Variants in NCKAP5 observed in about 807,000 individuals in gnomAD.
NCKAP5 encodes the protein nck-associated protein 5.
Under a neutral mutation model 167.0 loss-of-function variants are expected in NCKAP5, and 92 were observed. That is an observed-to-expected ratio of 0.55 (90% CI 0.47 to 0.66). The LOEUF (loss-of-function observed/expected upper bound fraction) is 0.66. Ranked by LOEUF, NCKAP5 falls within the 30% of genes least tolerant of loss-of-function variation. The probability of loss-of-function intolerance (pLI) is 0.00; values close to 1 mark genes in which losing one functional copy is unlikely to be tolerated. For synonymous variants in NCKAP5, 891 were observed against 877.4 expected, an observed-to-expected ratio of 1.02 and a Z score of -0.27; for missense variants, 2,378 against 2,315.0, an observed-to-expected ratio of 1.03 and a Z score of -0.56.
intron 6 of NCKAP5, among the ~76,000 whole-genome samples, chr2:133,066,949 T>C (rs2080219938): frequency 6.6e-6 from 1 of 152,246 alleles, no homozygotes; most frequent in Non-Finnish European, 1.5e-5. Flanking sequence ...AGTTATAACA[T>C]TCAAGTGGTT....
chr2:132,741,285 C>T (rs144836299), intron 16 of NCKAP5, among the ~76,000 whole-genome samples: 4 of 152,066 alleles, frequency 2.6e-5, no homozygotes, highest in African/African-American at 9.7e-5. Flanking sequence ...TATCGCTATA[C>T]TCTTGTCACT....
chr2:132,963,604 A>G (rs2076580366), intron 8 of NCKAP5, 116 bp downstream of exon 8: 1 of 1,075,452 alleles, frequency 9.3e-7, no homozygotes, highest in Non-Finnish European at 1.3e-6. Flanking sequence ...CGTAGATCAT[A>G]TTAGTCTGGG....
At chr2:133,433,211 TTC>T (rs1448036674) in intron 3 of NCKAP5, among the ~76,000 whole-genome samples, 1 of 152,228 alleles carries the variant, frequency 6.6e-6, no homozygotes, top group Non-Finnish European at 1.5e-5. Context: ...ATTGGACATT[TTC>T]TCTGTTTATT....
chr2:132,981,198 C>G (rs1203111808), intron 7 of NCKAP5, among the ~76,000 whole-genome samples: 1 of 152,186 alleles, frequency 6.6e-6, no homozygotes, highest in Non-Finnish European at 1.5e-5. Context: ...GAATGAGATT[C>G]TTGGCTCTTC....
intron 3 of NCKAP5, among the ~76,000 whole-genome samples, chr2:133,332,035 A>T (rs1017702571): frequency 4.6e-5 from 7 of 152,208 alleles, no homozygotes; most frequent in African/African-American, 1.7e-4. Flanking sequence ...AGACCCCAAC[A>T]CCACCATCTC....
intron 11 of NCKAP5, among the ~76,000 whole-genome samples, chr2:132,820,945 A>G (rs904697618): frequency 5.3e-5 from 8 of 152,216 alleles, no homozygotes; most frequent in Non-Finnish European, 8.8e-5. Flanking sequence ...ACCAAGTGGC[A>G]AATATAGTCT....
chr2:132,704,891 A>G (rs536636624), intron 19 of NCKAP5, among the ~76,000 whole-genome samples: 1 of 152,100 alleles, frequency 6.6e-6, no homozygotes, highest in Non-Finnish European at 1.5e-5. Context: ...ACAATTACTA[A>G]CTTCAAGTTG....
chr2:133,446,416 A>C lies in NCKAP5; in HGVS notation c.69+71042T>G, dbSNP rs75992492. ...TGCTTACTGCATACCAGGTGTTGCT[A>C]AGCCCTTTTCGTGTAATAACTCATT... On this transcript the variant is annotated intron_variant, in intron 3 of 19. Coordinates refer to ENST00000409261, the MANE Select transcript of NCKAP5 (RefSeq NM_207363.3). Among the ~76,000 whole-genome samples, 449 of 152,352 alleles carry C rather than the reference A, an allele frequency of 2.9e-3. 6 individuals are homozygous for C. The highest frequency in any genetic ancestry group is 0.011 in the African/African-American group (442 of 41,586).
chr2:133,355,624 T>C (rs1684659134), intron 3 of NCKAP5, among the ~76,000 whole-genome samples: 2 of 152,126 alleles, frequency 1.3e-5, no homozygotes, highest in South Asian at 2.1e-4. Context: ...TTGTATATTT[T>C]AGTCTGACCT....
intron 5 of NCKAP5, among the ~76,000 whole-genome samples, chr2:133,192,069 A>G (rs1467208033): frequency 1.3e-5 from 2 of 152,100 alleles, no homozygotes; most frequent in Admixed American, 6.6e-5. Context: ...TGCAGTAATC[A>G]TGACTGTGTG....
chr2:132,708,972 C>T (rs1381128812), intron 19 of NCKAP5, among the ~76,000 whole-genome samples: 2 of 152,068 alleles, frequency 1.3e-5, no homozygotes, highest in South Asian at 2.1e-4. Context: ...TTTCTCTTCT[C>T]TTCCCTCAGG....
intron 4 of NCKAP5, among the ~76,000 whole-genome samples, chr2:133,299,323 C>G (rs987208209): frequency 1.3e-5 from 2 of 152,092 alleles, no homozygotes; most frequent in Admixed American, 1.3e-4. Flanking sequence ...AGAGGCAACC[C>G]GGCCTGGTGA....
chr2:133,667,946 C>G, the NCKAP5 span, among the ~76,000 whole-genome samples: 3 of 151,988 alleles, frequency 2.0e-5, no homozygotes, highest in Non-Finnish European at 4.4e-5. Context: ...TTCCCAGTAT[C>G]CCTTTTCCCA....
At chr2:133,277,474 C>G (rs550337724) in intron 4 of NCKAP5, among the ~76,000 whole-genome samples, 49 of 152,042 alleles carry the variant, frequency 3.2e-4, no homozygotes, top group African/African-American at 1.1e-3. Context: ...TAAAACCTAT[C>G]TGGGGAAACG....
At chr2:133,658,394 A>T in the NCKAP5 span, among the ~76,000 whole-genome samples, 1 of 152,308 alleles carries the variant, frequency 6.6e-6, no homozygotes, top group East Asian at 1.9e-4. Context: ...TTAGGAAAAC[A>T]GGTCATGTGA....
chr2:132,770,863 C>T (rs895444013), intron 16 of NCKAP5, among the ~76,000 whole-genome samples: 5 of 152,268 alleles, frequency 3.3e-5, no homozygotes, highest in East Asian at 1.9e-4. Context: ...TGCCTAGTGA[C>T]GTCGTAGTTA....
At chr2:133,191,601 A>C (rs1271371611) in intron 5 of NCKAP5, among the ~76,000 whole-genome samples, 1 of 152,244 alleles carries the variant, frequency 6.6e-6, no homozygotes, top group East Asian at 1.9e-4. Context: ...AAAAAGGATG[A>C]GTTCATGTCC....
chr2:132,701,201 G>A (rs1290502393), intron 19 of NCKAP5, among the ~76,000 whole-genome samples: 1 of 152,024 alleles, frequency 6.6e-6, no homozygotes, highest in Non-Finnish European at 1.5e-5. Context: ...TGGCAACACC[G>A]TGGAAAGATT....
intron 11 of NCKAP5, among the ~76,000 whole-genome samples, chr2:132,808,380 TCTGGTC>T (rs768991662): frequency 0.092 from 13,978 of 152,110 alleles, 852 homozygotes; most frequent in East Asian, 0.2. Context: ...TATGAATCCA[TCTGGTC>T]CTGAACTTTT....
Sources: gnomAD v4.1 joint callset for allele counts (sites outside exome capture counted in the v4.1 genomes callset) on GRCh38, gnomAD v4.1.1 for gene constraint, MANE v1.5 for transcripts, NCBI Gene and HGNC (gene_info 2026-07-23, HGNC 2026-07-21) for gene names.